The following SRPK2 variants were observed in gnomAD, a reference collection of about 807,000 sequenced individuals.
The protein encoded by SRPK2 is SRSF protein kinase 2.
Under a neutral mutation model 90.8 loss-of-function variants are expected in SRPK2, and 21 were observed. That is an observed-to-expected ratio of 0.23 (90% CI 0.16 to 0.33). The LOEUF (loss-of-function observed/expected upper bound fraction) is 0.33. Among genes scored for constraint, SRPK2 ranks in the 10% least tolerant of loss-of-function variants. SRPK2 has a pLI of 1.00. For missense variants in SRPK2, 620 were observed against 869.0 expected (o/e 0.71, Z 3.60); for synonymous variants, 288 against 311.1 (o/e 0.93, Z 0.78).
At chr7:105,388,393 C>T (rs1259863012) in intron 2 of SRPK2, among the ~76,000 whole-genome samples, 1 of 149,348 alleles carries the variant, frequency 6.7e-6, no homozygotes, top group Admixed American at 6.6e-5. Context: ...GCCCGCCGGC[C>T]GGTGGCGACC....
At chr7:105,389,290 G>C (rs1292095381), upstream of SRPK2, 3 of 1,277,168 alleles carry the variant, frequency 2.3e-6, no homozygotes, top group South Asian at 2.5e-5. Flanking sequence ...GTCCTTGGCC[G>C]GCGCCTCCGC....
chr7:105,244,020 G>A (rs938528165), intron 2 of SRPK2, among the ~76,000 whole-genome samples: 1 of 152,136 alleles, frequency 6.6e-6, no homozygotes, highest in Non-Finnish European at 1.5e-5. Context: ...CAAACATTGA[G>A]TGGGAACTTC....
intron 11 of SRPK2, among the ~76,000 whole-genome samples, chr7:105,138,971 C>T (rs568163952): frequency 2.6e-5 from 4 of 152,228 alleles, no homozygotes; most frequent in South Asian, 2.1e-4. Flanking sequence ...ATATGCAATG[C>T]GGCAAAATGT....
chr7:105,123,922 A>G (rs1800760782), intron 15 of SRPK2, among the ~76,000 whole-genome samples: 1 of 152,230 alleles, frequency 6.6e-6, no homozygotes, highest in African/African-American at 2.4e-5. Context: ...TTGGTCTCTC[A>G]TTAGGAAGGA....
intron 2 of SRPK2, among the ~76,000 whole-genome samples, chr7:105,294,608 C>T (rs1809541049): frequency 6.6e-6 from 1 of 152,080 alleles, no homozygotes; most frequent in Admixed American, 6.5e-5. Context: ...CTCATTGCAA[C>T]CTCCGCCTCC....
intron 2 of SRPK2, among the ~76,000 whole-genome samples, chr7:105,227,332 C>T (rs902883745): frequency 2.0e-5 from 3 of 152,070 alleles, no homozygotes; most frequent in Non-Finnish European, 4.4e-5. Context: ...TTATCCCTTG[C>T]CCCCTTTCCA....
chr7:105,121,246 G>C (rs1800318325), intron 15 of SRPK2, among the ~76,000 whole-genome samples: 1 of 151,924 alleles, frequency 6.6e-6, no homozygotes, highest in African/African-American at 2.4e-5. Flanking sequence ...TTGGGAGGCT[G>C]AGGCACAAAA....
At chr7:105,356,283 C>A (rs1472171931) in intron 2 of SRPK2, among the ~76,000 whole-genome samples, 1 of 152,032 alleles carries the variant, frequency 6.6e-6, no homozygotes, top group Admixed American at 6.6e-5. Context: ...AAGTGGAAGG[C>A]ACTAAGTAAA....
intron 9 of SRPK2, among the ~76,000 whole-genome samples, 166 bp downstream of exon 9, chr7:105,145,107 CAAAAAAAAAA>C (rs10718877): frequency 1.9e-5 from 2 of 107,182 alleles, no homozygotes; most frequent in African/African-American, 7.0e-5. Context: ...ACTCAGTTTT[CAAAAAAAAAA>C]AAAAAAAAAA....
At chr7:105,325,356 T>C (rs763999740) in intron 2 of SRPK2, among the ~76,000 whole-genome samples, 2 of 152,056 alleles carry the variant, frequency 1.3e-5, no homozygotes, top group Non-Finnish European at 2.9e-5. Flanking sequence ...AGCTGGTATG[T>C]ATGGCTAAGG....
At chr7:105,251,010 A>G (rs1802412284) in intron 2 of SRPK2, among the ~76,000 whole-genome samples, 1 of 152,226 alleles carries the variant, frequency 6.6e-6, no homozygotes, top group Non-Finnish European at 1.5e-5. Flanking sequence ...GAAGCTACTC[A>G]GGGGTACGTG....
At chr7:105,115,261 C>A (rs1256675691), downstream of SRPK2, 1 of 152,218 alleles carries the variant, frequency 6.6e-6, no homozygotes, top group African/African-American at 2.4e-5. Flanking sequence ...AAGTTCTCTA[C>A]TCCAATGGAA....
At chr7:105,249,370 A>C (rs1220722705) in intron 2 of SRPK2, among the ~76,000 whole-genome samples, 1 of 152,232 alleles carries the variant, frequency 6.6e-6, no homozygotes, top group Non-Finnish European at 1.5e-5. Context: ...AGAACTAAAT[A>C]GTGAACAGGA....
At chr7:105,394,291 C>T (rs1173784701), upstream of SRPK2, among the ~76,000 whole-genome samples, 2 of 152,008 alleles carry the variant, frequency 1.3e-5, no homozygotes, top group African/African-American at 4.8e-5. Context: ...TACAGGTGCA[C>T]ACCACCATGC....
intron 2 of SRPK2, among the ~76,000 whole-genome samples, chr7:105,289,068 A>G (rs1443986582): frequency 1.3e-5 from 2 of 149,020 alleles, no homozygotes; most frequent in Non-Finnish European, 3.0e-5. Context: ...CGTCTTGGCT[A>G]ACATGGTGAA....
intron 2 of SRPK2, among the ~76,000 whole-genome samples, chr7:105,346,056 T>C (rs938845205): frequency 6.6e-6 from 1 of 152,210 alleles, no homozygotes; most frequent in Non-Finnish European, 1.5e-5. Flanking sequence ...GAGTGCAAAA[T>C]TTTACTGCTG....
At chr7:105,157,937 A>C (rs1806775385) in intron 7 of SRPK2, among the ~76,000 whole-genome samples, 1 of 152,128 alleles carries the variant, frequency 6.6e-6, no homozygotes, top group African/African-American at 2.4e-5. Flanking sequence ...ACGGTGGTGC[A>C]TGCCTGCAGT....
chr7:105,388,607 G>A (rs765531679), intron 2 of SRPK2, 41 bp downstream of exon 2: 1 of 1,545,042 alleles, frequency 6.5e-7, no homozygotes, highest in Non-Finnish European at 8.8e-7. Flanking sequence ...CCCCCGACGG[G>A]GCGGGGGTGG....
At chr7:105,232,338 A>T (rs1235788889) in intron 2 of SRPK2, among the ~76,000 whole-genome samples, 1 of 152,046 alleles carries the variant, frequency 6.6e-6, no homozygotes, top group African/African-American at 2.4e-5. Flanking sequence ...ACATGCCTGT[A>T]ATCTCAGCTA....
Sources: allele counts gnomAD v4.1 joint callset (sites outside exome capture counted in the v4.1 genomes callset), GRCh38; gene constraint gnomAD v4.1.1; transcripts MANE v1.5; gene names NCBI Gene and HGNC (gene_info 2026-07-23, HGNC 2026-07-21).